Variants in COLEC12 observed in about 807,000 individuals in gnomAD.
COLEC12 encodes the protein collectin-12.
COLEC12 carries 33 observed loss-of-function variants against 71.1 expected under a neutral mutation model. The ratio of observed to expected loss-of-function variants is 0.46; its 90% CI spans 0.35 to 0.62. The LOEUF is 0.62. Among genes scored for constraint, COLEC12 ranks in the 20% least tolerant of loss-of-function variants. The pLI is 0.00. For synonymous variants in COLEC12, 350 were observed against 353.0 expected (o/e 0.99, Z 0.10); for missense variants, 765 against 916.1 (o/e 0.84, Z 2.13).
intron 2 of COLEC12, among the ~76,000 whole-genome samples, chr18:393,393 T>A (rs1233022891): frequency 9.9e-6 from 1 of 100,872 alleles, no homozygotes; most frequent in African/African-American, 3.0e-5. Flanking sequence ...TTCTTTGGTA[T>A]CTAGGGAGCT....
intron 2 of COLEC12, among the ~76,000 whole-genome samples, chr18:437,204 G>A (rs1916424144): frequency 6.6e-6 from 1 of 152,186 alleles, no homozygotes; most frequent in Admixed American, 6.6e-5. Flanking sequence ...TGATAGGACT[G>A]TGAAGGCCTA....
intron 2 of COLEC12, among the ~76,000 whole-genome samples, chr18:435,416 T>A (rs1916385000): frequency 6.6e-6 from 1 of 152,050 alleles, no homozygotes; most frequent in Non-Finnish European, 1.5e-5. Flanking sequence ...CAGATGCTTA[T>A]AAAACCACCA....
At chr18:365,589 C>T (rs959399512) in intron 2 of COLEC12, among the ~76,000 whole-genome samples, 6 of 152,098 alleles carry the variant, frequency 3.9e-5, no homozygotes, top group Non-Finnish European at 7.4e-5. Flanking sequence ...CTCAAGCTTG[C>T]AGGAGCTGGG....
intron 2 of COLEC12, among the ~76,000 whole-genome samples, chr18:437,024 C>G (rs949157268): frequency 1.3e-5 from 2 of 152,150 alleles, no homozygotes; most frequent in Non-Finnish European, 2.9e-5. Flanking sequence ...AGGTGAGAAG[C>G]AATTCTCTGA....
chr18:477,166 T>C (rs961455880), intron 2 of COLEC12, among the ~76,000 whole-genome samples: 10 of 152,228 alleles, frequency 6.6e-5, no homozygotes, highest in African/African-American at 2.4e-4. Context: ...TACAATACCA[T>C]GCTAGATCAC....
chr18:469,745 C>G (rs966568068), intron 2 of COLEC12, among the ~76,000 whole-genome samples: 1 of 152,176 alleles, frequency 6.6e-6, no homozygotes, highest in Non-Finnish European at 1.5e-5. Flanking sequence ...ACCCTACTTC[C>G]TATCATTTTC....
intron 2 of COLEC12, among the ~76,000 whole-genome samples, chr18:384,849 C>T (rs1915309678): frequency 2.0e-5 from 3 of 152,168 alleles, no homozygotes; most frequent in Admixed American, 2.0e-4. Context: ...ATAAACCTTA[C>T]CAAATGGATA....
intron 2 of COLEC12, among the ~76,000 whole-genome samples, chr18:478,842 T>A (rs908254264): frequency 7.2e-5 from 11 of 152,034 alleles, no homozygotes; most frequent in Admixed American, 4.6e-4. Context: ...AGCCTCTGTT[T>A]GTGCTCTCTA....
chr18:450,100 A>T (rs2143711462), intron 2 of COLEC12, among the ~76,000 whole-genome samples: 1 of 152,350 alleles, frequency 6.6e-6, no homozygotes, highest in African/African-American at 2.4e-5. Flanking sequence ...TTTAAGTTAC[A>T]TGAAGGGAAA....
intron 2 of COLEC12, among the ~76,000 whole-genome samples, chr18:398,620 C>T (rs1430893165): frequency 6.6e-6 from 1 of 152,196 alleles, no homozygotes; most frequent in Non-Finnish European, 1.5e-5. Context: ...GGGCCAGTCA[C>T]AGGGAAATCT....
chr18:377,307 C>A (rs1449395146), intron 2 of COLEC12, among the ~76,000 whole-genome samples: 1 of 152,222 alleles, frequency 6.6e-6, no homozygotes, highest in African/African-American at 2.4e-5. Flanking sequence ...CAGCATGATG[C>A]TCCCGGCACG....
At chr18:458,645 C>T (rs189776965) in intron 2 of COLEC12, among the ~76,000 whole-genome samples, 1 of 152,380 alleles carries the variant, frequency 6.6e-6, no homozygotes, top group East Asian at 1.9e-4. Flanking sequence ...GGACAGACCA[C>T]CTGTTCAAAA....
chr18:400,741 T>C (rs904342490), intron 2 of COLEC12, among the ~76,000 whole-genome samples: 5 of 152,216 alleles, frequency 3.3e-5, no homozygotes, highest in Non-Finnish European at 7.4e-5. Context: ...CCTGAGCACA[T>C]GGCTGTCGGT....
intron 2 of COLEC12, among the ~76,000 whole-genome samples, chr18:429,938 C>G (rs538995395): frequency 6.6e-6 from 1 of 152,294 alleles, no homozygotes; most frequent in East Asian, 1.9e-4. Context: ...TCCGTCTCTC[C>G]AAATAGAATG....
In COLEC12 at chr18:480,664, C is replaced by T. The variant is rs73358558; in HGVS notation, c.58+43G>A. The stretch of plus-strand genomic sequence containing the variant: ...TCTCTGAGGGTTCGTGGCTGCATCC[C>T]AGGTTGACCACTGAGAAGGAACACA... On this transcript the variant is annotated intron_variant, in intron 2 of 9. Transcript: ENST00000400256. The surrounding 1 kb of genome is among the most constrained non-coding windows in gnomAD (Gnocchi z 4.1). 2.1e-3 allele frequency: 3,265 copies of T among 1,578,698 alleles called. 60 individuals carry two copies. In the African/African-American group the frequency reaches 0.039, roughly 19 times the overall value.
At chr18:446,387 A>G (rs1658366837) in intron 2 of COLEC12, among the ~76,000 whole-genome samples, 1 of 151,992 alleles carries the variant, frequency 6.6e-6, no homozygotes, top group Non-Finnish European at 1.5e-5. Flanking sequence ...GATTGTTATG[A>G]TATTTAACTT....
chr18:454,194 C>T (rs1249408612), intron 2 of COLEC12, among the ~76,000 whole-genome samples: 4 of 152,252 alleles, frequency 2.6e-5, no homozygotes, highest in African/African-American at 4.8e-5. Flanking sequence ...CTCCCCGCCA[C>T]TCTATTGTAG....
chr18:453,978 C>T (rs948095062), intron 2 of COLEC12, among the ~76,000 whole-genome samples: 3 of 152,218 alleles, frequency 2.0e-5, no homozygotes, highest in African/African-American at 7.2e-5. Context: ...ATCAAAGACA[C>T]CATCACCTCT....
intron 1 of COLEC12, among the ~76,000 whole-genome samples, chr18:488,881 G>GAA (rs58356675): frequency 2.5e-4 from 35 of 142,156 alleles, no homozygotes; most frequent in East Asian, 6.2e-4. Context: ...TCAAAAAAAA[G>GAA]AAAAAAAAAA....
Sources: gnomAD v4.1 joint callset for allele counts (sites outside exome capture counted in the v4.1 genomes callset) on GRCh38, gnomAD v4.1.1 for gene constraint, Gnocchi (gnomAD v3.1) non-coding constraint, MANE v1.5 for transcripts, NCBI Gene and HGNC (gene_info 2026-07-23, HGNC 2026-07-21) for gene names.